Variants in EIPR1 observed in about 807,000 individuals in gnomAD.
EIPR1 encodes EARP and GARP complex-interacting protein 1.
Under a neutral mutation model 48.1 loss-of-function variants are expected in EIPR1, and 25 were observed. That is an observed-to-expected ratio of 0.52 (90% confidence interval 0.38 to 0.73). The LOEUF is 0.73. Ranked by LOEUF, EIPR1 falls within the 30% of genes least tolerant of loss-of-function variation. EIPR1 has a pLI of 0.00. For missense variants in EIPR1, 415 were observed against 506.2 expected (o/e 0.82, Z 1.73); for synonymous variants, 204 against 201.9 (o/e 1.01, Z -0.09).
intron 3 of EIPR1, among the ~76,000 whole-genome samples, chr2:3,325,350 C>T (rs189030772): frequency 4.6e-5 from 7 of 152,296 alleles, no homozygotes; most frequent in South Asian, 4.2e-4. Context: ...TCTCCCACTG[C>T]GGAGGAGATG....
intron 6 of EIPR1, 131 bp downstream of exon 6, chr2:3,196,748 CCT>C: frequency 7.6e-7 from 1 of 1,323,968 alleles, no homozygotes; most frequent in East Asian, 2.6e-5. Context: ...TTTATGATTT[CCT>C]ACAAAAACGA....
intron 3 of EIPR1, among the ~76,000 whole-genome samples, chr2:3,307,625 C>A (rs1170105915): frequency 6.6e-6 from 1 of 152,228 alleles, no homozygotes; most frequent in Non-Finnish European, 1.5e-5. Flanking sequence ...CCCACTCTCG[C>A]TCATGTGCCA....
intron 4 of EIPR1, among the ~76,000 whole-genome samples, chr2:3,237,632 A>C (rs144393540): frequency 6.1e-4 from 93 of 152,282 alleles, no homozygotes; most frequent in African/African-American, 2.0e-3. Flanking sequence ...GGAACGCGCT[A>C]AGAGGAGAGC....
In EIPR1 at chr2:3,306,365, C is replaced by T. The variant is rs373902632; in HGVS notation, c.259+31652G>A. ...TTCTTTAACTTATTCCCTGGTCACT[C>T]GTTTTTGGTGATATCATATATTACT... On this transcript the variant is annotated intron_variant, in intron 3 of 8. Coordinates refer to ENST00000382125, the MANE Select transcript of EIPR1 (RefSeq NM_003310.5). 1.1e-4 allele frequency among the ~76,000 whole-genome samples: 16 copies of T among 152,280 alleles called. No individual in the cohort carries two copies. The South Asian group carries it at 2.7e-3, about 26-fold the overall frequency.
rs1055534441 is a variant in EIPR1, at chr2:3,345,526, G to A, written c.127-7377C>T. ...TGTGATCCCCGCTATTCAGGAGGCC[G>A]AGGCAGGAGAATCACTTGAAACTGG... is the stretch of plus-strand genomic sequence containing the variant. On this transcript the variant is annotated intron_variant, in intron 2 of 8. Coordinates refer to ENST00000382125, the MANE Select transcript of EIPR1 (RefSeq NM_003310.5). Among the ~76,000 whole-genome samples the A allele has an allele frequency of 4.6e-5, 7 of 152,140 alleles. No individual in the cohort carries two copies. In the South Asian group the frequency reaches 1.0e-3, roughly 23 times the overall value.
intron 7 of EIPR1, 137 bp downstream of exon 7, chr2:3,193,862 G>A: frequency 2.2e-6 from 2 of 917,584 alleles, no homozygotes; most frequent in Non-Finnish European, 3.2e-6. Context: ...GTTTCTTTAG[G>A]AAAAATAAAA....
chr2:3,277,581 G>C (rs1191920650), intron 3 of EIPR1, among the ~76,000 whole-genome samples: 2 of 152,196 alleles, frequency 1.3e-5, no homozygotes, highest in Non-Finnish European at 2.9e-5. Context: ...CCAGGCCGTG[G>C]GAACTACTCC....
intron 3 of EIPR1, among the ~76,000 whole-genome samples, chr2:3,287,010 G>A (rs967912228): frequency 4.1e-5 from 6 of 146,512 alleles, no homozygotes; most frequent in South Asian, 2.2e-4. Context: ...CAGAGGCGGC[G>A]GTGGGGAGCA....
intron 3 of EIPR1, among the ~76,000 whole-genome samples, chr2:3,267,748 A>G (rs1439984558): frequency 1.3e-5 from 2 of 152,146 alleles, no homozygotes; most frequent in Admixed American, 1.3e-4. Flanking sequence ...CCTGCACCCC[A>G]TGAGCTAAGA....
intron 1 of EIPR1, among the ~76,000 whole-genome samples, chr2:3,367,120 AAG>A (rs1430764923): frequency 2.0e-5 from 3 of 151,756 alleles, no homozygotes; most frequent in Non-Finnish European, 4.4e-5. Flanking sequence ...AAAAAAAAAA[AAG>A]GGAACAACCT....
At chr2:3,263,441 C>T (rs1667394549) in intron 3 of EIPR1, among the ~76,000 whole-genome samples, 2 of 152,162 alleles carry the variant, frequency 1.3e-5, no homozygotes, top group African/African-American at 2.4e-5. Context: ...TTCTTGGCTG[C>T]AAAAACAAAG....
Position 3,196,920 on chromosome 2 carries a change from T to G in EIPR1, c.614A>C (p.Asn205Thr). The change falls in exon 6 of 9, where the codon AAC becomes ACC. Residue 205 changes from asparagine (N) to threonine (T), a missense_variant. Transcript: ENST00000382125. ...HHNCTQVATA[N>T]DTTLRGWDTR... ...GTCCCAGCCACGGAGGGTGGTGTCGTTCGCTGTGGCCACCTGGGTGCAGTT... is the reference window on the plus strand; with the variant it reads ...GTCCCAGCCACGGAGGGTGGTGTCGGTCGCTGTGGCCACCTGGGTGCAGTT... The G allele has an allele frequency of 1.9e-6, 3 of 1,613,896 alleles. No homozygotes were observed. The highest frequency in any genetic ancestry group is 2.5e-6 in the Non-Finnish European group (3 of 1,180,004).
chr2:3,286,069 C>T lies in EIPR1; in HGVS notation c.260-28614G>A, dbSNP rs942972061. ...CCATCTTCCTAGCTGAGAGCCAATG[C>T]CAGCTGCAGCCACTGGGAGTGAACA... On this transcript the variant is annotated intron_variant, in intron 3 of 8. Coordinates refer to ENST00000382125, the MANE Select transcript of EIPR1 (RefSeq NM_003310.5). This position sits in a 1 kb window ranked among gnomAD's most constrained non-coding sequence, Gnocchi z 4.2. Among the ~76,000 whole-genome samples the T allele has an allele frequency of 6.6e-6, 1 of 152,190 alleles. No individual in the cohort carries two copies. Among genetic ancestry groups the T allele is most frequent in the Non-Finnish European group, 1.5e-5 (1 of 68,042 alleles).
At chr2:3,214,433 C>CCTG in intron 4 of EIPR1, 185 bp from the exon 5 acceptor site, 1 of 522,544 alleles carries the variant, frequency 1.9e-6, no homozygotes, top group South Asian at 2.4e-5. Flanking sequence ...CTGTTATGGA[C>CCTG]TGAATTGTGC....
At chr2:3,342,782 G>T (rs1254316249) in intron 2 of EIPR1, among the ~76,000 whole-genome samples, 1 of 152,222 alleles carries the variant, frequency 6.6e-6, no homozygotes. Context: ...CACTGCAATA[G>T]AAATGGTCTT....
chr2:3,276,816 A>G (rs1477966892), intron 3 of EIPR1, among the ~76,000 whole-genome samples: 1 of 152,232 alleles, frequency 6.6e-6, no homozygotes, highest in African/African-American at 2.4e-5. Flanking sequence ...TTTAATAAGG[A>G]ACACAACTCT....
In EIPR1 at chr2:3,265,412, A is replaced by T. The variant is rs572140425; in HGVS notation, c.260-7957T>A. ...ACTCATCAGCTCTGAAACTCTGAGG[A>T]TTTCTGTAGCTGTGTGGATCCCAAC... On this transcript the variant is annotated intron_variant, in intron 3 of 8. Coordinates refer to ENST00000382125, the MANE Select transcript of EIPR1 (RefSeq NM_003310.5). 2.1e-4 allele frequency among the ~76,000 whole-genome samples: 32 copies of T among 152,350 alleles called. No individual in the cohort carries two copies. In the South Asian group the frequency reaches 4.1e-3, roughly 20 times the overall value.
intron 3 of EIPR1, among the ~76,000 whole-genome samples, chr2:3,334,558 T>C (rs1669988500): frequency 6.6e-6 from 1 of 152,264 alleles, no homozygotes; most frequent in Admixed American, 6.5e-5. Flanking sequence ...CGACCACTGC[T>C]GCAGATGACC....
At chr2:3,271,318 T>G (rs1572381913) in intron 3 of EIPR1, among the ~76,000 whole-genome samples, 2 of 152,356 alleles carry the variant, frequency 1.3e-5, no homozygotes, top group African/African-American at 4.8e-5. Context: ...ATCGCAAATG[T>G]TCTTAATGGC....
Sources: allele counts gnomAD v4.1 joint callset (sites outside exome capture counted in the v4.1 genomes callset), GRCh38; gene constraint gnomAD v4.1.1; non-coding constraint Gnocchi (gnomAD v3.1); transcripts MANE v1.5; gene names NCBI Gene and HGNC (gene_info 2026-07-23, HGNC 2026-07-21).